TMTC2: variants seen among roughly 807,000 people sequenced by gnomAD.
TMTC2 encodes the protein protein O-mannosyl-transferase TMTC2.
In TMTC2, 43 loss-of-function variants were observed where a neutral mutation model predicts 82.4. That is an observed-to-expected ratio of 0.52 (90% CI 0.41 to 0.67). TMTC2 has a LOEUF of 0.67. Among genes scored for constraint, TMTC2 ranks in the 30% least tolerant of loss-of-function variants. TMTC2 has a pLI of 0.00. For synonymous variants in TMTC2, 408 were observed against 381.9 expected (o/e 1.07, Z -0.80); for missense variants, 919 against 1,012.4 (o/e 0.91, Z 1.25).
chr12:83,032,159 T>G (rs897660084), intron 9 of TMTC2, among the ~76,000 whole-genome samples: 3 of 151,222 alleles, frequency 2.0e-5, no homozygotes, highest in African/African-American at 7.3e-5. Context: ...AGGAGGTTTT[T>G]TTTTCCCACT....
In TMTC2 at chr12:82,966,963, G is replaced by T. The variant is rs1482162834; in HGVS notation, c.1914G>T (p.Arg638Ser). ...AGGAAGCAATTCAGAAAATGCCAAG[G>T]CAGTTTGCCCCACAGAGCTTGTACA... ...VYKEAIQKMP[R>S]QFAPQSLYNM... The change falls in exon 7 of 12, where the codon AGG becomes AGT. Residue 638 changes from arginine to serine, a missense_variant. Physicochemically the swap from Arg to Ser is moderately radical, Grantham distance 110. Coordinates refer to ENST00000321196, the MANE Select transcript of TMTC2 (RefSeq NM_152588.3). The T allele has an allele frequency of 6.2e-7, 1 of 1,613,148 alleles. No homozygotes were observed. Among genetic ancestry groups the T allele is most frequent in the East Asian group, 2.2e-5 (1 of 44,868 alleles).
chr12:82,825,793 T>A (rs1869386547), intron 1 of TMTC2, among the ~76,000 whole-genome samples: 1 of 152,172 alleles, frequency 6.6e-6, no homozygotes, highest in Non-Finnish European at 1.5e-5. Context: ...TTTGTGAGGT[T>A]TGACAGTTTT....
At chr12:82,729,960 T>G (rs4630355) in intron 1 of TMTC2, among the ~76,000 whole-genome samples, 4 of 151,980 alleles carry the variant, frequency 2.6e-5, no homozygotes, top group Admixed American at 2.0e-4. Flanking sequence ...CTGTAACACT[T>G]ATCGGGAAGG....
intron 2 of TMTC2, among the ~76,000 whole-genome samples, chr12:82,886,696 A>G (rs1233087606): frequency 6.6e-6 from 1 of 152,182 alleles, no homozygotes; most frequent in Admixed American, 6.5e-5. Flanking sequence ...TGGGGGAGAA[A>G]ACAAATGTTT....
intron 1 of TMTC2, among the ~76,000 whole-genome samples, chr12:82,726,331 A>C (rs1212997133): frequency 3.3e-5 from 5 of 152,192 alleles, no homozygotes; most frequent in Non-Finnish European, 7.4e-5. Flanking sequence ...AGATGACTTA[A>C]TAGTATGCAT....
At chr12:83,053,048 A>G (rs575823984) in intron 10 of TMTC2, among the ~76,000 whole-genome samples, 1 of 152,236 alleles carries the variant, frequency 6.6e-6, no homozygotes, top group South Asian at 2.1e-4. Flanking sequence ...GCTTGCTGTC[A>G]AGCTGAATAC....
At chr12:82,908,477 AT>A (rs1874440684) in intron 3 of TMTC2, among the ~76,000 whole-genome samples, 1 of 152,072 alleles carries the variant, frequency 6.6e-6, no homozygotes, top group Non-Finnish European at 1.5e-5. Flanking sequence ...TCTTTGATGA[AT>A]TATATTAATA....
chr12:82,988,894 C>CT (rs989230500), intron 8 of TMTC2, among the ~76,000 whole-genome samples: 1 of 147,840 alleles, frequency 6.8e-6, no homozygotes, highest in African/African-American at 2.5e-5. Flanking sequence ...TTCGATTCAG[C>CT]TTTTATTAAT....
At chr12:82,918,050 C>T (rs528205113) in intron 3 of TMTC2, among the ~76,000 whole-genome samples, 1 of 152,216 alleles carries the variant, frequency 6.6e-6, no homozygotes, top group South Asian at 2.1e-4. Context: ...ATTCCCTCAC[C>T]CCAGCCTACA....
intron 1 of TMTC2, among the ~76,000 whole-genome samples, chr12:82,784,766 C>A (rs972933612): frequency 5.3e-5 from 8 of 152,170 alleles, no homozygotes; most frequent in Middle Eastern, 3.4e-3. Flanking sequence ...ATTTTTCCAG[C>A]GTATTTTCAG....
chr12:82,779,501 T>C (rs1877783163), intron 1 of TMTC2, among the ~76,000 whole-genome samples: 1 of 152,178 alleles, frequency 6.6e-6, no homozygotes, highest in African/African-American at 2.4e-5. Context: ...TCTGTTATTC[T>C]ATGATCAACA....
At chr12:82,821,209 G>A (rs1449165704) in intron 1 of TMTC2, among the ~76,000 whole-genome samples, 1 of 152,068 alleles carries the variant, frequency 6.6e-6, no homozygotes, top group Non-Finnish European at 1.5e-5. Flanking sequence ...CGTTTGTTTT[G>A]ATCCTTTTTA....
At chr12:82,925,919 A>G (rs1339561071) in intron 3 of TMTC2, among the ~76,000 whole-genome samples, 4 of 152,092 alleles carry the variant, frequency 2.6e-5, no homozygotes, top group African/African-American at 9.7e-5. Flanking sequence ...TGAGGAACAC[A>G]TTTCAAATAC....
At chr12:82,759,955 C>T (rs1314875822) in intron 1 of TMTC2, 7 of 152,124 alleles carry the variant, frequency 4.6e-5, no homozygotes, top group Non-Finnish European at 1.0e-4. Flanking sequence ...TGGGTTACCT[C>T]GATAGCCTGA....
At chr12:82,993,454 C>T (rs1430257388) in intron 8 of TMTC2, among the ~76,000 whole-genome samples, 2 of 151,526 alleles carry the variant, frequency 1.3e-5, no homozygotes, top group Admixed American at 6.6e-5. Flanking sequence ...ACTTCATAGC[C>T]TAGATATATT....
chr12:82,762,031 A>G (rs1876676539), intron 1 of TMTC2, among the ~76,000 whole-genome samples: 1 of 128,710 alleles, frequency 7.8e-6, no homozygotes, highest in Admixed American at 9.8e-5. Context: ...CAGTGGTGCG[A>G]TCTCAGCTCA....
At chr12:82,720,596 A>G (rs1271983794) in intron 1 of TMTC2, among the ~76,000 whole-genome samples, 3 of 152,204 alleles carry the variant, frequency 2.0e-5, no homozygotes, top group Non-Finnish European at 2.9e-5. Flanking sequence ...TTTTGGGTAT[A>G]TATGTAGCAG....
intron 2 of TMTC2, among the ~76,000 whole-genome samples, chr12:82,894,126 G>A (rs7971700): frequency 0.012 from 1,762 of 152,288 alleles, 40 homozygotes; most frequent in African/African-American, 0.04. Flanking sequence ...TTCCGTTGGG[G>A]AAGTATGAAG....
rs1279661595 is a variant in TMTC2, at chr12:83,084,085, G to A, written c.2331+22254G>A. Among the ~76,000 whole-genome samples the A allele has an allele frequency of 2.0e-5, 3 of 152,112 alleles. No homozygotes were observed. The East Asian group carries it at 5.8e-4, about 29-fold the overall frequency. ...AGATGGTGGTCACAGTGAACTAGGA[G>A]CTCTATTTAATTTTGAATGAATTCA... On this transcript the variant is annotated intron_variant, in intron 11 of 11. Transcript: ENST00000321196.
Sources: allele counts gnomAD v4.1 joint callset (sites outside exome capture counted in the v4.1 genomes callset), GRCh38; gene constraint gnomAD v4.1.1; transcripts MANE v1.5; gene names NCBI Gene and HGNC (gene_info 2026-07-23, HGNC 2026-07-21).